Variants in MSI2 observed in about 807,000 individuals in gnomAD.
MSI2 encodes the protein musashi RNA binding protein 2.
Under a neutral mutation model 45.6 loss-of-function variants are expected in MSI2, and 17 were observed. The observed-to-expected ratio is 0.37, with a 90% CI of 0.26 to 0.56. The LOEUF is 0.56. Among genes scored for constraint, MSI2 ranks in the 20% least tolerant of loss-of-function variants. The pLI is 0.77. For missense variants in MSI2, 293 were observed against 444.2 expected, an observed-to-expected ratio of 0.66 and a Z score of 3.06; for synonymous variants, 156 against 158.2, an observed-to-expected ratio of 0.99 and a Z score of 0.11.
rs535840946 is a variant in MSI2, at chr17:57,446,001, G to A, written c.405+44530G>A. Among the ~76,000 whole-genome samples, 330 of 152,254 alleles carry A rather than the reference G, an allele frequency of 2.2e-3. 1 individual carries two copies. The highest frequency in any genetic ancestry group is 7.6e-3 in the African/African-American group (315 of 41,544). On this transcript the variant is annotated intron_variant, in intron 6 of 13. Transcript: ENST00000284073. Reference sequence around the variant, plus strand: ...TTGGGGATACAGAGGTGAGTAAGACGGCAAGCTCTTTGCTCTCATGAAGTT... The same window carrying A: ...TTGGGGATACAGAGGTGAGTAAGACAGCAAGCTCTTTGCTCTCATGAAGTT...
At chr17:57,610,121 A>G (rs1402380888) in intron 8 of MSI2, among the ~76,000 whole-genome samples, 2 of 152,110 alleles carry the variant, frequency 1.3e-5, no homozygotes, top group East Asian at 3.9e-4. Context: ...AAATGCCCTC[A>G]TGTTTATGAA....
At chr17:57,581,882 G>T (rs1031539927) in intron 7 of MSI2, among the ~76,000 whole-genome samples, 1 of 152,228 alleles carries the variant, frequency 6.6e-6, no homozygotes, top group East Asian at 1.9e-4. Flanking sequence ...TATTCAGAAT[G>T]CTAATAGAAT....
intron 6 of MSI2, among the ~76,000 whole-genome samples, chr17:57,435,925 C>T (rs1340677805): frequency 2.6e-5 from 4 of 152,178 alleles, no homozygotes; most frequent in African/African-American, 7.2e-5. Flanking sequence ...CTACTATACA[C>T]ATGGGAAACT....
intron 5 of MSI2, among the ~76,000 whole-genome samples, chr17:57,327,353 G>A (rs769625783): frequency 1.3e-4 from 20 of 152,206 alleles, no homozygotes; most frequent in Non-Finnish European, 2.9e-4. Flanking sequence ...CACAGCCAGT[G>A]TACATCGCAG....
chr17:57,571,466 G>A lies in MSI2; in HGVS notation c.455-25402G>A, dbSNP rs189861364. On this transcript the variant is annotated intron_variant, in intron 7 of 13. Coordinates refer to ENST00000284073, the MANE Select transcript of MSI2 (RefSeq NM_138962.4). ...GCTCCTCCCAGGAGATGGGTTTCTG[G>A]TGGACCTGGTAGTGTTTTACCTTGC... Among the ~76,000 whole-genome samples, 26 of 152,284 alleles carry A rather than the reference G, an allele frequency of 1.7e-4. No individual in the cohort carries two copies. The East Asian group carries it at 4.4e-3, about 26-fold the overall frequency.
At chr17:57,581,175 G>C (rs897099914) in intron 7 of MSI2, among the ~76,000 whole-genome samples, 3 of 151,910 alleles carry the variant, frequency 2.0e-5, no homozygotes, top group East Asian at 1.9e-4. Context: ...ACCACGCCTG[G>C]CTAATTTTTG....
intron 6 of MSI2, among the ~76,000 whole-genome samples, chr17:57,410,301 G>C (rs959133371): frequency 1.3e-5 from 2 of 151,488 alleles, no homozygotes; most frequent in Admixed American, 1.3e-4. Context: ...TCCTTCCTGC[G>C]TGCTCCAGAA....
At chr17:57,578,852 C>G (rs1480380695) in intron 7 of MSI2, among the ~76,000 whole-genome samples, 3 of 152,090 alleles carry the variant, frequency 2.0e-5, no homozygotes, top group African/African-American at 7.2e-5. Flanking sequence ...GGTTGTTTTT[C>G]TTTTTCCCCC....
At position 57,609,255 on chromosome 17, in the gene MSI2, T is replaced by C. The variant is rs538390691; in HGVS notation, c.538-6715T>C. Among the ~76,000 whole-genome samples the C allele has an allele frequency of 5.9e-5, 9 of 152,262 alleles. No individual in the cohort carries two copies. In the South Asian group the frequency reaches 6.2e-4, roughly 11 times the overall value. The stretch of plus-strand genomic sequence containing the variant: ...GCGCAAGACCAGGTCAGGCCTCTTA[T>C]GTCTGTTAGGAAACGCCACAGAAGG... On this transcript the variant is annotated intron_variant, in intron 8 of 13. Coordinates refer to ENST00000284073, the MANE Select transcript of MSI2 (RefSeq NM_138962.4).
chr17:57,630,845 CATCT>C (rs2144619929), intron 10 of MSI2: 1 of 152,422 alleles, frequency 6.6e-6, no homozygotes, highest in South Asian at 2.1e-4. Flanking sequence ...CCCTGACTTC[CATCT>C]GTCACCTCAT....
chr17:57,469,653 G>C (rs1355802048), intron 6 of MSI2, among the ~76,000 whole-genome samples: 1 of 152,254 alleles, frequency 6.6e-6, no homozygotes, highest in Non-Finnish European at 1.5e-5. Flanking sequence ...AGAGCATGGA[G>C]ACTGGGGGAG....
At chr17:57,276,387 ACT>A (rs1444387185) in intron 5 of MSI2, among the ~76,000 whole-genome samples, 2 of 152,256 alleles carry the variant, frequency 1.3e-5, no homozygotes, top group Middle Eastern at 3.4e-3. Context: ...TCTGAGCATG[ACT>A]CTGATTTGGA....
chr17:57,349,229 C>A (rs147599937), intron 5 of MSI2, among the ~76,000 whole-genome samples: 81 of 152,308 alleles, frequency 5.3e-4, no homozygotes, highest in African/African-American at 1.9e-3. Context: ...ACTGCCTTCT[C>A]CCTTTTGGTC....
rs1339904392 is a variant in MSI2, at chr17:57,612,035, T to C, written c.538-3935T>C. Among the ~76,000 whole-genome samples the C allele has an allele frequency of 2.1e-5, 2 of 95,698 alleles. 1 individual carries two copies. The highest frequency in any genetic ancestry group is 2.1e-4 in the Admixed American group (2 of 9,630). The allele number at this position is 95,698 out of a possible 152,430, so 62.8% of individuals were successfully genotyped here. On this transcript the variant is annotated intron_variant, in intron 8 of 13. Coordinates refer to ENST00000284073, the MANE Select transcript of MSI2 (RefSeq NM_138962.4). ...TAGAACCGAAAAGATAGACCACTTT[T>C]TACCCTTTTTGGGTTCTGACTGTCA...
At chr17:57,588,210 A>G (rs1250239941) in intron 7 of MSI2, among the ~76,000 whole-genome samples, 1 of 152,152 alleles carries the variant, frequency 6.6e-6, no homozygotes, top group African/African-American at 2.4e-5. Context: ...GCCCACCAGG[A>G]GGGCAGTCTC....
chr17:57,596,655 G>A lies in MSI2; in HGVS notation c.455-213G>A, dbSNP rs146431239. On this transcript the variant is annotated intron_variant, in intron 7 of 13. Coordinates refer to ENST00000284073, the MANE Select transcript of MSI2 (RefSeq NM_138962.4). This position sits in a 1 kb window ranked among gnomAD's most constrained non-coding sequence, Gnocchi z 4.6. ...ACCACACAGTGCCCGCTGCATGTGG[G>A]TGAAATCATTAACTTTTCCTCGCTG... 3.7e-3 allele frequency among the ~76,000 whole-genome samples: 568 copies of A among 152,306 alleles called. 4 individuals carry two copies. The highest frequency in any genetic ancestry group is 6.2e-3 in the Non-Finnish European group (419 of 68,018).
At chr17:57,329,122 C>G (rs1914054543) in intron 5 of MSI2, among the ~76,000 whole-genome samples, 1 of 152,000 alleles carries the variant, frequency 6.6e-6, no homozygotes, top group Non-Finnish European at 1.5e-5. Flanking sequence ...GACAGTAGTA[C>G]CCAGTAATGA....
intron 8 of MSI2, among the ~76,000 whole-genome samples, chr17:57,610,306 G>T (rs1907113479): frequency 6.6e-6 from 1 of 152,136 alleles, no homozygotes; most frequent in African/African-American, 2.4e-5. Flanking sequence ...ACAAAAATTA[G>T]CAGGGCGTGG....
At chr17:57,410,247 A>G (rs1035015016) in intron 6 of MSI2, among the ~76,000 whole-genome samples, 8 of 152,118 alleles carry the variant, frequency 5.3e-5, no homozygotes, top group Non-Finnish European at 1.0e-4. Flanking sequence ...ACACTCTAAA[A>G]GGGTCAGCAT....
Sources: gnomAD v4.1 joint callset for allele counts (sites outside exome capture counted in the v4.1 genomes callset) on GRCh38, gnomAD v4.1.1 for gene constraint, Gnocchi (gnomAD v3.1) non-coding constraint, MANE v1.5 for transcripts, NCBI Gene and HGNC (gene_info 2026-07-23, HGNC 2026-07-21) for gene names.